EPHA3: variants seen among roughly 807,000 people sequenced by gnomAD.
EPHA3 encodes the protein ephrin type-A receptor 3.
In EPHA3, 42 loss-of-function variants were observed where a neutral mutation model predicts 107.1. The ratio of observed to expected loss-of-function variants is 0.39; its 90% CI spans 0.31 to 0.51. The LOEUF (loss-of-function observed/expected upper bound fraction) is 0.51. Among genes scored for constraint, EPHA3 ranks in the 20% least tolerant of loss-of-function variants. EPHA3 has a pLI of 0.78. For synonymous variants in EPHA3, 461 were observed against 424.8 expected, an observed-to-expected ratio of 1.09 and a Z score of -1.05; for missense variants, 1,183 against 1,211.2, an observed-to-expected ratio of 0.98 and a Z score of 0.35.
intron 15 of EPHA3, among the ~76,000 whole-genome samples, chr3:89,460,442 T>A (rs550003745): frequency 1.3e-5 from 2 of 152,156 alleles, no homozygotes; most frequent in African/African-American, 4.8e-5. Context: ...AATTGAAATG[T>A]TTTTAAATAT....
intron 5 of EPHA3, among the ~76,000 whole-genome samples, chr3:89,384,838 T>A (rs1382905772): frequency 2.6e-5 from 4 of 152,154 alleles, no homozygotes; most frequent in Non-Finnish European, 5.9e-5. Context: ...ATCATTCTCA[T>A]CACCTTGTAT....
At chr3:89,156,146 T>C (rs1201666001) in intron 2 of EPHA3, among the ~76,000 whole-genome samples, 1 of 152,066 alleles carries the variant, frequency 6.6e-6, no homozygotes, top group African/African-American at 2.4e-5. Flanking sequence ...ACATGAGCAC[T>C]AAGTATCTCA....
At chr3:89,428,000 G>T (rs914561954) in intron 11 of EPHA3, among the ~76,000 whole-genome samples, 3 of 151,356 alleles carry the variant, frequency 2.0e-5, no homozygotes, top group Admixed American at 6.6e-5. Flanking sequence ...ATAATATTAC[G>T]CTGTAACAAT....
intron 2 of EPHA3, among the ~76,000 whole-genome samples, chr3:89,181,355 C>G (rs1003956560): frequency 8.6e-5 from 13 of 151,822 alleles, no homozygotes; most frequent in African/African-American, 2.7e-4. Flanking sequence ...CTAACTTCTA[C>G]TGATTTTTTT....
chr3:89,352,096 T>C (rs975129922), intron 5 of EPHA3, among the ~76,000 whole-genome samples: 26 of 151,224 alleles, frequency 1.7e-4, no homozygotes, highest in Non-Finnish European at 1.3e-4. Flanking sequence ...AGATTTTCGA[T>C]AGAAGGTGCA....
chr3:89,456,226 A>G (rs1254212154), intron 15 of EPHA3, among the ~76,000 whole-genome samples: 2 of 152,164 alleles, frequency 1.3e-5, no homozygotes, highest in African/African-American at 4.8e-5. Flanking sequence ...CAACTCCAGA[A>G]ATACACTCCT....
intron 3 of EPHA3, among the ~76,000 whole-genome samples, chr3:89,283,819 C>T (rs192414121): frequency 5.5e-4 from 84 of 152,190 alleles, no homozygotes; most frequent in Admixed American, 1.4e-3. Context: ...TGTAAAAATG[C>T]TCTAAAATCA....
chr3:89,219,857 C>T (rs1290097364), intron 3 of EPHA3, among the ~76,000 whole-genome samples: 2 of 147,008 alleles, frequency 1.4e-5, no homozygotes, highest in East Asian at 2.0e-4. Context: ...TACAGGCGCC[C>T]GCCACTACGC....
At chr3:89,356,513 A>G (rs1475321589) in intron 5 of EPHA3, among the ~76,000 whole-genome samples, 5 of 151,176 alleles carry the variant, frequency 3.3e-5, no homozygotes, top group Non-Finnish European at 7.4e-5. Flanking sequence ...CTGACTTTTT[A>G]ATGATTGCCA....
Position 89,205,562 on chromosome 3 carries a change from T to G in EPHA3, c.154-4298T>G, listed in dbSNP as rs572945332. On this transcript the variant is annotated intron_variant, in intron 2 of 16. Coordinates refer to ENST00000336596, the MANE Select transcript of EPHA3 (RefSeq NM_005233.6). The stretch of plus-strand genomic sequence containing the variant: ...AGAAAGATGAAAATACAAGGAACCC[T>G]ATGTGGTCTAATAATTAAAGCTTAA... 7.2e-5 allele frequency among the ~76,000 whole-genome samples: 11 copies of G among 152,298 alleles called. 1 individual carries two copies. In the East Asian group the frequency reaches 1.7e-3, roughly 24 times the overall value.
chr3:89,337,425 A>G (rs1178532323), intron 3 of EPHA3, among the ~76,000 whole-genome samples: 1 of 152,234 alleles, frequency 6.6e-6, no homozygotes. Flanking sequence ...ACTGATACCT[A>G]CACCGATAAT....
intron 3 of EPHA3, among the ~76,000 whole-genome samples, chr3:89,251,175 A>T (rs961627058): frequency 6.6e-6 from 1 of 152,194 alleles, no homozygotes; most frequent in Non-Finnish European, 1.5e-5. Flanking sequence ...TTATCAAACT[A>T]CTAGGGTTTT....
chr3:89,297,829 G>C (rs1173944015), intron 3 of EPHA3, among the ~76,000 whole-genome samples: 1 of 152,116 alleles, frequency 6.6e-6, no homozygotes, highest in Non-Finnish European at 1.5e-5. Flanking sequence ...GAGGTCAGGG[G>C]TTTGAGACCA....
chr3:89,455,081 C>T (rs115830836), intron 15 of EPHA3, among the ~76,000 whole-genome samples: 133 of 152,176 alleles, frequency 8.7e-4, no homozygotes, highest in African/African-American at 2.8e-3. Context: ...AAATTTTATT[C>T]GAAAACTATT....
At chr3:89,328,662 A>C (rs1004869932) in intron 3 of EPHA3, among the ~76,000 whole-genome samples, 6 of 152,188 alleles carry the variant, frequency 3.9e-5, no homozygotes, top group Non-Finnish European at 7.3e-5. Flanking sequence ...AAGCCCTCAA[A>C]CATAAGTTTC....
chr3:89,241,024 T>C (rs979231933), intron 3 of EPHA3, among the ~76,000 whole-genome samples: 2 of 152,194 alleles, frequency 1.3e-5, no homozygotes, highest in Middle Eastern at 3.4e-3. Flanking sequence ...TAAAAAAATT[T>C]TTTTTTTCAT....
chr3:89,115,859 A>T (rs1371313519), intron 1 of EPHA3, among the ~76,000 whole-genome samples: 1 of 152,168 alleles, frequency 6.6e-6, no homozygotes, highest in Non-Finnish European at 1.5e-5. Flanking sequence ...GACACAAATG[A>T]CTATGAACTA....
Position 89,230,798 on chromosome 3 carries a change from TC to T in EPHA3, c.814+20279del, listed in dbSNP as rs1375841411. 2.1e-5 allele frequency among the ~76,000 whole-genome samples: 3 copies of T among 141,754 alleles called. No homozygotes were observed. In the East Asian group the frequency reaches 5.9e-4, roughly 28 times the overall value. The allele number at this position is 141,754 out of a possible 152,430, so 93.0% of individuals were successfully genotyped here. A position where few individuals can be genotyped will look rare whatever the true frequency, so the allele number is the denominator to read the frequency against. ...CCCAATATACATATTTCTCTCTCTC[TC>T]TCTCTCCCTCTCTCTCTCTCTCTCT... On this transcript the variant is annotated intron_variant, in intron 3 of 16. Transcript: ENST00000336596.
chr3:89,365,693 C>T (rs1199001072), intron 5 of EPHA3, among the ~76,000 whole-genome samples: 6 of 150,538 alleles, frequency 4.0e-5, no homozygotes, highest in East Asian at 2.0e-4. Flanking sequence ...CCTTTTGGTT[C>T]CTGAACCTAC....
Sources: allele counts gnomAD v4.1 joint callset (sites outside exome capture counted in the v4.1 genomes callset), GRCh38; gene constraint gnomAD v4.1.1; transcripts MANE v1.5; gene names NCBI Gene and HGNC (gene_info 2026-07-23, HGNC 2026-07-21).